Variants in PFKFB2 observed in about 807,000 individuals in gnomAD.
PFKFB2 encodes the protein 6-phosphofructo-2-kinase/fructose-2,6-bisphosphatase 2.
A neutral mutation model predicts 68.0 loss-of-function variants in PFKFB2; 53 were observed. That is an observed-to-expected ratio of 0.78 (90% CI 0.63 to 0.98). PFKFB2 has a LOEUF of 0.98. Ranked by LOEUF, PFKFB2 falls within the 50% of genes least tolerant of loss-of-function variation. PFKFB2 has a pLI of 0.00. For synonymous variants in PFKFB2, 222 were observed against 227.6 expected (o/e 0.98, Z 0.22); for missense variants, 451 against 642.0 (o/e 0.70, Z 3.22).
chr1:207,077,293 C>T lies in PFKFB2; in HGVS notation c.*4922C>T. 1.0e-6 allele frequency: 1 copy of T among 984,778 alleles called. No individual in the cohort carries two copies. Among genetic ancestry groups the T allele is most frequent in the Non-Finnish European group, 1.2e-6 (1 of 829,418 alleles). The allele number at this position is 984,778 out of a possible 1,614,324, so 61.0% of individuals were successfully genotyped here. A position where few individuals can be genotyped will look rare whatever the true frequency, so the allele number is the denominator to read the frequency against. Reference sequence around the variant, plus strand: ...CATGCATTTGGATTTTACACTTAATCTAGTAAGTAAAAATGAGAAGAAAAT... The same window carrying T: ...CATGCATTTGGATTTTACACTTAATTTAGTAAGTAAAAATGAGAAGAAAAT... On this transcript the variant is annotated 3_prime_UTR_variant, in exon 15 of 15. Coordinates refer to ENST00000367080, the MANE Select transcript of PFKFB2 (RefSeq NM_006212.2).
At chr1:207,066,781 G>A (rs917559096) in intron 8 of PFKFB2, among the ~76,000 whole-genome samples, 7 of 152,192 alleles carry the variant, frequency 4.6e-5, no homozygotes, top group Middle Eastern at 3.4e-3. Context: ...AGCCTCCTGA[G>A]TAGCTGGGAT....
chr1:207,036,696 A>G (rs2842739), intron 1 of PFKFB2, among the ~76,000 whole-genome samples: 16,989 of 152,056 alleles, frequency 0.11, 3,081 homozygotes, highest in African/African-American at 0.38. Flanking sequence ...TTTTCCTGTC[A>G]GTACAACAAC....
At position 207,076,135 on chromosome 1, in the gene PFKFB2, T is replaced by C. The variant is rs377378366; in HGVS notation, c.*3764T>C. On this transcript the variant is annotated 3_prime_UTR_variant, in exon 15 of 15. Coordinates refer to ENST00000367080, the MANE Select transcript of PFKFB2 (RefSeq NM_006212.2). ...AGACTGAATGGGTGAGTATTCCATA[T>C]GAGGATCTGGGTAATCCTCTTTGCA... The C allele has an allele frequency of 1.0e-5, 10 of 985,384 alleles. No individual in the cohort carries two copies. The East Asian group carries it at 6.8e-4, about 67-fold the overall frequency. 61.0% of individuals were successfully genotyped at this position (985,384 alleles called of 1,614,324 possible). A position where few individuals can be genotyped will look rare whatever the true frequency, so the allele number is the denominator to read the frequency against.
chr1:207,054,029 G>A (rs368429672), intron 1 of PFKFB2, among the ~76,000 whole-genome samples: 2 of 148,430 alleles, frequency 1.3e-5, no homozygotes, highest in South Asian at 2.1e-4. Flanking sequence ...TCAGCCTCCC[G>A]AGTAGCTGGG....
At position 207,065,143 on chromosome 1, in the gene PFKFB2, C is replaced by T. The variant is rs1227831821; in HGVS notation, c.615C>T (p.Asp205=). The change falls in exon 8 of 15, where the codon GAC becomes GAT. Residue 205 remains aspartate, a synonymous_variant. Coordinates refer to ENST00000367080, the MANE Select transcript of PFKFB2 (RefSeq NM_006212.2). ...ACAAAGTTACCTACCGACCTCTTGACCCAGACAACTATGACAAGTAAGGTT... is the reference window on the plus strand; with the variant it reads ...ACAAAGTTACCTACCGACCTCTTGATCCAGACAACTATGACAAGTAAGGTT... ...ECYKVTYRPL[D]PDNYDKDLSF... is the part of the protein sequence containing the mutation. The T allele has an allele frequency of 3.7e-6, 6 of 1,613,860 alleles. No individual in the cohort carries two copies. The highest frequency in any genetic ancestry group is 3.3e-5 in the South Asian group (3 of 91,076).
intron 2 of PFKFB2, among the ~76,000 whole-genome samples, chr1:207,057,184 A>T (rs60207276): frequency 0.04 from 6,051 of 151,758 alleles, 384 homozygotes; most frequent in African/African-American, 0.14. Context: ...GTGGTGGCTC[A>T]CGCCTGTAAT....
At chr1:207,034,497 A>C (rs1682339145) in intron 1 of PFKFB2, 1 of 152,248 alleles carries the variant, frequency 6.6e-6, no homozygotes, top group South Asian at 2.1e-4. Flanking sequence ...CATTTGCTAA[A>C]AAAATGAATT....
At chr1:207,037,618 A>G (rs761846392) in intron 1 of PFKFB2, among the ~76,000 whole-genome samples, 6 of 152,140 alleles carry the variant, frequency 3.9e-5, no homozygotes, top group Non-Finnish European at 8.8e-5. Context: ...TTTCTTCTCT[A>G]TTCTCTCCAA....
chr1:207,070,879 A>C lies in PFKFB2; in HGVS notation c.1223-309A>C. The stretch of plus-strand genomic sequence containing the variant: ...GAGCTCAGCATCCTGAGCTGCTTGG[A>C]AGCTGTTGTGGTCAGACCTTATTGG... On this transcript the variant is annotated intron_variant, in intron 12 of 14. Coordinates refer to ENST00000367080, the MANE Select transcript of PFKFB2 (RefSeq NM_006212.2). This position sits in a 1 kb window ranked among gnomAD's most constrained non-coding sequence, Gnocchi z 4.2. 3.2e-6 allele frequency: 1 copy of C among 313,150 alleles called. No homozygotes were observed. The allele number at this position is 313,150 out of a possible 1,614,324, so 19.4% of individuals were successfully genotyped here. A position where few individuals can be genotyped will look rare whatever the true frequency, so the allele number is the denominator to read the frequency against.
At chr1:207,067,830 C>G in intron 9 of PFKFB2, 124 bp downstream of exon 9, 3 of 812,684 alleles carry the variant, frequency 3.7e-6, no homozygotes, top group Non-Finnish European at 4.0e-6. Context: ...CATAGTCAGG[C>G]AAGTGCTCAA....
At chr1:207,037,355 T>C (rs539493284) in intron 1 of PFKFB2, among the ~76,000 whole-genome samples, 2 of 152,366 alleles carry the variant, frequency 1.3e-5, no homozygotes, top group South Asian at 4.1e-4. Flanking sequence ...TTTTAAATGC[T>C]AGTTCTTCTT....
chr1:207,039,375 A>C (rs933952924), intron 1 of PFKFB2, among the ~76,000 whole-genome samples: 1 of 152,258 alleles, frequency 6.6e-6, no homozygotes, highest in Non-Finnish European at 1.5e-5. Context: ...TAGTAATTTT[A>C]TGAAATGTCC....
At chr1:207,040,478 A>G (rs942261527) in intron 1 of PFKFB2, among the ~76,000 whole-genome samples, 4 of 152,140 alleles carry the variant, frequency 2.6e-5, no homozygotes, top group Non-Finnish European at 5.9e-5. Flanking sequence ...CAGCTACTAA[A>G]GCAAAGAGAG....
chr1:207,040,186 C>T (rs2102315476), intron 1 of PFKFB2, among the ~76,000 whole-genome samples: 1 of 152,330 alleles, frequency 6.6e-6, no homozygotes, highest in South Asian at 2.1e-4. Context: ...ACATTTTGTA[C>T]TTAACTTCGG....
At chr1:207,036,720 T>C (rs1271511357) in intron 1 of PFKFB2, among the ~76,000 whole-genome samples, 1 of 152,166 alleles carries the variant, frequency 6.6e-6, no homozygotes, top group Non-Finnish European at 1.5e-5. Context: ...AAAAACCATG[T>C]TTTTCCTATA....
intron 1 of PFKFB2, chr1:207,034,829 A>G (rs376169267): frequency 5.5e-4 from 84 of 152,338 alleles, no homozygotes; most frequent in African/African-American, 1.9e-3. Flanking sequence ...CTGCAAACAC[A>G]TATATGTCCT....
At chr1:207,067,468 A>C (rs766753955) in intron 8 of PFKFB2, 31 bp from the exon 9 acceptor site, 4 of 1,498,624 alleles carry the variant, frequency 2.7e-6, no homozygotes, top group Non-Finnish European at 3.7e-6. Flanking sequence ...CTTCTTACCT[A>C]GGGAATTTTT....
chr1:207,037,416 G>C (rs1231351837), intron 1 of PFKFB2, among the ~76,000 whole-genome samples: 1 of 152,138 alleles, frequency 6.6e-6, no homozygotes, highest in South Asian at 2.1e-4. Flanking sequence ...TTGGTGCTGA[G>C]TCTTCCTCCC....
chr1:207,076,302 TG>T lies in PFKFB2; in HGVS notation c.*3933del. The T allele has an allele frequency of 2.0e-6, 2 of 983,238 alleles. No homozygotes were observed. The highest frequency in any genetic ancestry group is 1.2e-6 in the Non-Finnish European group (1 of 828,280). 60.9% of individuals were successfully genotyped at this position (983,238 alleles called of 1,614,324 possible). ...GAGATCTTAATTGACAGAAACTCAT[TG>T]GTGGTTGGAGTGGCCAATGGGCACG... On this transcript the variant is annotated 3_prime_UTR_variant, in exon 15 of 15. Coordinates refer to ENST00000367080, the MANE Select transcript of PFKFB2 (RefSeq NM_006212.2).
Sources: gnomAD v4.1 joint callset for allele counts (sites outside exome capture counted in the v4.1 genomes callset) on GRCh38, gnomAD v4.1.1 for gene constraint, Gnocchi (gnomAD v3.1) non-coding constraint, MANE v1.5 for transcripts, NCBI Gene and HGNC (gene_info 2026-07-23, HGNC 2026-07-21) for gene names.